The following NRG3 variants were observed in gnomAD, a reference collection of about 807,000 sequenced individuals.
NRG3 encodes the protein pro-neuregulin-3, membrane-bound isoform.
In NRG3, 31 loss-of-function variants were observed where a neutral mutation model predicts 66.9. The ratio of observed to expected loss-of-function variants is 0.46; its 90% CI spans 0.35 to 0.63. The LOEUF (loss-of-function observed/expected upper bound fraction) is 0.63. Among genes scored for constraint, NRG3 ranks in the 20% least tolerant of loss-of-function variants. NRG3 has a pLI of 0.00. For synonymous variants in NRG3, 393 were observed against 359.4 expected (o/e 1.09, Z -1.06); for missense variants, 910 against 878.9 (o/e 1.04, Z -0.45).
At chr10:82,622,214 C>T (rs1238005984) in intron 2 of NRG3, among the ~76,000 whole-genome samples, 1 of 147,930 alleles carries the variant, frequency 6.8e-6, no homozygotes, top group Non-Finnish European at 1.5e-5. Flanking sequence ...AAAGGTAATA[C>T]TATTTTTTTG....
At chr10:82,456,137 C>CTTTTTTTTTTT (rs147759240) in intron 2 of NRG3, among the ~76,000 whole-genome samples, 2 of 88,812 alleles carry the variant, frequency 2.3e-5, no homozygotes, top group African/African-American at 3.8e-5. Flanking sequence ...TTTTCTGTCA[C>CTTTTTTTTTTT]TTTTTTTTTT....
chr10:82,868,881 C>G (rs181924926), intron 4 of NRG3, among the ~76,000 whole-genome samples: 2 of 151,912 alleles, frequency 1.3e-5, no homozygotes, highest in African/African-American at 4.8e-5. Context: ...TTAGTAGAAA[C>G]GGGTTTCACC....
chr10:82,486,194 T>G (rs1473910418), intron 2 of NRG3, among the ~76,000 whole-genome samples: 1 of 152,110 alleles, frequency 6.6e-6, no homozygotes, highest in South Asian at 2.1e-4. Context: ...TTGGAACCCT[T>G]GTATATTATT....
intron 1 of NRG3, among the ~76,000 whole-genome samples, chr10:82,076,677 T>TTC (rs1491143103): frequency 2.0e-5 from 3 of 151,786 alleles, no homozygotes; most frequent in East Asian, 3.9e-4. Context: ...GCACCTCCTC[T>TTC]TCTCTCTCTC....
At chr10:82,362,333 ATGTGTGTG>A (rs56996997) in intron 2 of NRG3, among the ~76,000 whole-genome samples, 1,947 of 135,906 alleles carry the variant, frequency 0.014, 42 homozygotes, top group African/African-American at 0.042. Flanking sequence ...GTATATATAT[ATGTGTGTG>A]TGTGTGTGTG....
chr10:82,324,942 G>C (rs2081784343), intron 1 of NRG3, among the ~76,000 whole-genome samples: 1 of 152,164 alleles, frequency 6.6e-6, no homozygotes, highest in Non-Finnish European at 1.5e-5. Flanking sequence ...TTTTGTTCAA[G>C]TTTTCTATAT....
intron 2 of NRG3, among the ~76,000 whole-genome samples, chr10:82,462,649 G>A (rs545145785): frequency 6.6e-6 from 1 of 152,212 alleles, no homozygotes; most frequent in East Asian, 1.9e-4. Flanking sequence ...CATCTCACTG[G>A]AGGATGCGGG....
intron 2 of NRG3, among the ~76,000 whole-genome samples, chr10:82,390,706 C>G (rs778922524): frequency 3.9e-5 from 6 of 152,102 alleles, no homozygotes; most frequent in Non-Finnish European, 8.8e-5. Context: ...TGGTAACTCT[C>G]TAGGAAATAA....
intron 1 of NRG3, among the ~76,000 whole-genome samples, chr10:81,937,874 G>A (rs10883951): frequency 0.34 from 52,230 of 151,792 alleles, 10,394 homozygotes; most frequent in East Asian, 0.82. Flanking sequence ...ATAGTTTCTG[G>A]GCTTATGTTA....
intron 2 of NRG3, among the ~76,000 whole-genome samples, chr10:82,730,148 C>T (rs540008002): frequency 6.7e-4 from 96 of 143,762 alleles, no homozygotes; most frequent in African/African-American, 2.4e-3. Flanking sequence ...CGCAGGGGGT[C>T]GATCTCGGCC....
At chr10:82,790,592 T>G (rs2060547407) in intron 3 of NRG3, among the ~76,000 whole-genome samples, 1 of 152,248 alleles carries the variant, frequency 6.6e-6, no homozygotes, top group African/African-American at 2.4e-5. Context: ...ATTGAGCCTC[T>G]TGGATGTATG....
chr10:81,949,457 C>T (rs934413717), intron 1 of NRG3, among the ~76,000 whole-genome samples: 2 of 152,110 alleles, frequency 1.3e-5, no homozygotes, highest in Non-Finnish European at 2.9e-5. Flanking sequence ...GCATAGCCAC[C>T]GTCACCTTGT....
chr10:82,517,624 AC>A (rs1845784642), intron 2 of NRG3, among the ~76,000 whole-genome samples: 1 of 90,594 alleles, frequency 1.1e-5, no homozygotes, highest in Admixed American at 1.2e-4. Context: ...TCTCTCTCTC[AC>A]CCCGCCCCCC....
chr10:82,393,290 G>A (rs2086506579), intron 2 of NRG3, among the ~76,000 whole-genome samples: 1 of 152,128 alleles, frequency 6.6e-6, no homozygotes, highest in African/African-American at 2.4e-5. Context: ...CTGAGATTAG[G>A]ATACTGTGTG....
chr10:82,636,229 G>GTC (rs995036609), intron 2 of NRG3, among the ~76,000 whole-genome samples: 4 of 151,772 alleles, frequency 2.6e-5, no homozygotes, highest in Admixed American at 1.3e-4. Flanking sequence ...ACATATGTGT[G>GTC]TGTGTGTGTG....
chr10:82,598,856 T>C (rs1432263458), intron 2 of NRG3, among the ~76,000 whole-genome samples: 1 of 152,026 alleles, frequency 6.6e-6, no homozygotes, highest in Non-Finnish European at 1.5e-5. Flanking sequence ...TCAAGACCAG[T>C]CTGGCCAACA....
chr10:82,489,430 C>T (rs947233964), intron 2 of NRG3, among the ~76,000 whole-genome samples: 1 of 152,156 alleles, frequency 6.6e-6, no homozygotes, highest in Non-Finnish European at 1.5e-5. Flanking sequence ...TTCAATAGGG[C>T]AGTCTCTGTG....
chr10:82,826,938 T>G (rs2062242900), intron 3 of NRG3, among the ~76,000 whole-genome samples: 1 of 152,104 alleles, frequency 6.6e-6, no homozygotes, highest in Admixed American at 6.5e-5. Context: ...GCCACTAAAA[T>G]AGTATTTCAC....
chr10:82,806,056 T>C (rs1427215058), intron 3 of NRG3, among the ~76,000 whole-genome samples: 2 of 152,222 alleles, frequency 1.3e-5, no homozygotes, highest in Non-Finnish European at 2.9e-5. Flanking sequence ...TAGAGATTTC[T>C]TATGAACATT....
Sources: gnomAD v4.1 joint callset for allele counts (sites outside exome capture counted in the v4.1 genomes callset) on GRCh38, gnomAD v4.1.1 for gene constraint, MANE v1.5 for transcripts, NCBI Gene and HGNC (gene_info 2026-07-23, HGNC 2026-07-21) for gene names.